Variants in JAM3 observed in about 807,000 individuals in gnomAD.
JAM3 encodes the protein junctional adhesion molecule 3, also known as junctional adhesion molecule C.
A neutral mutation model predicts 39.4 loss-of-function variants in JAM3; 31 were observed. That is an observed-to-expected ratio of 0.79 (90% CI 0.59 to 1.06). JAM3 has a LOEUF of 1.06. Ranked by LOEUF, JAM3 falls within the 50% of genes least tolerant of loss-of-function variation. The pLI is 0.00. For missense variants in JAM3, 455 were observed against 391.4 expected (o/e 1.16, Z -1.37); for synonymous variants, 182 against 148.7 (o/e 1.22, Z -1.63).
chr11:134,130,854 G>T (rs1942756501), intron 1 of JAM3, among the ~76,000 whole-genome samples: 1 of 152,180 alleles, frequency 6.6e-6, no homozygotes, highest in African/African-American at 2.4e-5. Context: ...CAAGGTGCTT[G>T]TCTCTGTCTT....
intron 1 of JAM3, among the ~76,000 whole-genome samples, chr11:134,126,818 C>G (rs1942656625): frequency 6.6e-6 from 1 of 152,190 alleles, no homozygotes; most frequent in Non-Finnish European, 1.5e-5. Flanking sequence ...AATTTTGTCT[C>G]CACTCTAAAT....
intron 1 of JAM3, among the ~76,000 whole-genome samples, chr11:134,083,453 A>G (rs1470033444): frequency 1.3e-5 from 2 of 152,202 alleles, no homozygotes; most frequent in Non-Finnish European, 2.9e-5. Context: ...TGCTGTTTGC[A>G]AATTGCAAAA....
At chr11:134,119,917 T>G (rs886101146) in intron 1 of JAM3, among the ~76,000 whole-genome samples, 7 of 152,218 alleles carry the variant, frequency 4.6e-5, no homozygotes, top group African/African-American at 1.7e-4. Context: ...TCACAAAATA[T>G]AACCAGGACT....
chr11:134,079,056 A>G (rs1941621048), intron 1 of JAM3, among the ~76,000 whole-genome samples: 1 of 152,150 alleles, frequency 6.6e-6, no homozygotes, highest in African/African-American at 2.4e-5. Context: ...AAACAGAATT[A>G]TGAACTTAAA....
Position 134,149,601 on chromosome 11 carries a change from C to G in JAM3, c.*420C>G, listed in dbSNP as rs1251514967. The G allele has an allele frequency of 6.4e-6, 3 of 467,598 alleles. No homozygotes were observed. Among genetic ancestry groups the G allele is most frequent in the African/African-American group, 5.9e-5 (3 of 50,632 alleles). 29.0% of individuals were successfully genotyped at this position (467,598 alleles called of 1,614,324 possible). On this transcript the variant is annotated 3_prime_UTR_variant, in exon 9 of 9. Transcript: ENST00000299106. ...TGGCGAGGTGGCTGGACAGCACCAG[C>G]AGCGCATCCCGGCGGGAACCCAGAA...
chr11:134,119,417 A>G (rs1942494818), intron 1 of JAM3, among the ~76,000 whole-genome samples: 3 of 152,214 alleles, frequency 2.0e-5, no homozygotes, highest in Admixed American at 6.5e-5. Flanking sequence ...ATACAGTGAA[A>G]TGACTTAAGA....
At chr11:134,148,385 G>C in intron 6 of JAM3, 162 bp from the exon 7 acceptor site, 1 of 777,500 alleles carries the variant, frequency 1.3e-6, no homozygotes, top group Non-Finnish European at 2.2e-6. Context: ...ATATGTTCTA[G>C]GCTAGAAGGA....
intron 5 of JAM3, 185 bp downstream of exon 5, chr11:134,145,179 G>C (rs536800685): frequency 5.7e-5 from 36 of 636,442 alleles, no homozygotes; most frequent in Non-Finnish European, 9.2e-5. Flanking sequence ...ACATTCTTAG[G>C]GGGTAAAATA....
At chr11:134,130,874 G>T (rs1056511369) in intron 1 of JAM3, among the ~76,000 whole-genome samples, 1 of 152,176 alleles carries the variant, frequency 6.6e-6, no homozygotes. Flanking sequence ...TGTATAATCA[G>T]GGAAGCAGGC....
chr11:134,085,536 C>A (rs1404051874), intron 1 of JAM3, among the ~76,000 whole-genome samples: 1 of 152,154 alleles, frequency 6.6e-6, no homozygotes, highest in African/African-American at 2.4e-5. Context: ...TCATTCTTAA[C>A]AAACATTCTT....
At chr11:134,103,841 A>T (rs1306283342) in intron 1 of JAM3, among the ~76,000 whole-genome samples, 2 of 152,218 alleles carry the variant, frequency 1.3e-5, no homozygotes, top group Admixed American at 1.3e-4. Context: ...TCAATACAGG[A>T]GCACCCAGAT....
chr11:134,145,023 G>A (rs1416097496), intron 5 of JAM3, 29 bp downstream of exon 5: 19 of 1,550,026 alleles, frequency 1.2e-5, no homozygotes, highest in Non-Finnish European at 1.7e-5. Context: ...GGTGAGGATG[G>A]AGATGTCTTT....
intron 1 of JAM3, among the ~76,000 whole-genome samples, chr11:134,112,042 G>C: frequency 6.6e-6 from 1 of 152,264 alleles, no homozygotes; most frequent in Admixed American, 6.5e-5. Flanking sequence ...CTTCTACTAT[G>C]TGAAAACTGC....
intron 3 of JAM3, among the ~76,000 whole-genome samples, 165 bp downstream of exon 3, chr11:134,140,935 A>G (rs1942963858): frequency 6.6e-6 from 1 of 151,716 alleles, no homozygotes; most frequent in Non-Finnish European, 1.5e-5. Flanking sequence ...AAATATATGC[A>G]AAAGTAATGC....
chr11:134,144,897 G>T lies in JAM3; in HGVS notation c.515G>T (p.Ser172Ile). 6.2e-7 allele frequency: 1 copy of T among 1,614,184 alleles called. No homozygotes were observed. Among genetic ancestry groups the T allele is most frequent in the East Asian group, 2.2e-5 (1 of 44,874 alleles). The change falls in exon 5 of 9, where the codon AGC (serine) becomes ATC (isoleucine). Residue 172 changes from serine (S) to isoleucine (I), a missense_variant. Physicochemically the swap from Ser to Ile is moderately radical, Grantham distance 142 (BLOSUM62 -2). Transcript: ENST00000299106. ...GAGGGCCACCCCCGGCCTCACTACA[G>T]CTGGTATCGCAATGATGTACCACTG... ...ESEGHPRPHY[S>I]WYRNDVPLPT...
At chr11:134,085,621 G>A (rs946727848) in intron 1 of JAM3, among the ~76,000 whole-genome samples, 2 of 152,142 alleles carry the variant, frequency 1.3e-5, no homozygotes, top group Non-Finnish European at 2.9e-5. Context: ...CCCAGTCATA[G>A]TCTTCCTTGA....
At position 134,121,740 on chromosome 11, in the gene JAM3, TCTC is replaced by T. The variant is rs550493084; in HGVS notation, c.77-18107_77-18105del. 5.5e-4 allele frequency among the ~76,000 whole-genome samples: 83 copies of T among 152,150 alleles called. 1 individual carries two copies. The highest frequency in any genetic ancestry group is 1.7e-3 in the African/African-American group (69 of 41,488). On this transcript the variant is annotated intron_variant, in intron 1 of 8. Coordinates refer to ENST00000299106, the MANE Select transcript of JAM3 (RefSeq NM_032801.5). The stretch of plus-strand genomic sequence containing the variant: ...TGTTTCATGTTGCTTTATACATCCT[TCTC>T]CTCAATACAGAACCAGGAATGTAAT...
Position 134,150,210 on chromosome 11 carries a change from G to T in JAM3, c.*1029G>T, listed in dbSNP as rs1289745472. 1 of 152,246 alleles carries T rather than the reference G, an allele frequency of 6.6e-6. No homozygotes were observed. The highest frequency in any genetic ancestry group is 1.9e-4 in the East Asian group (1 of 5,192). The allele number at this position is 152,246 out of a possible 1,614,324, so 9.4% of individuals were successfully genotyped here. A position where few individuals can be genotyped will look rare whatever the true frequency, so the allele number is the denominator to read the frequency against. On this transcript the variant is annotated 3_prime_UTR_variant, in exon 9 of 9. Coordinates refer to ENST00000299106, the MANE Select transcript of JAM3 (RefSeq NM_032801.5). Reference sequence around the variant, plus strand: ...ACTGTCTACACATCAGACCATAGTTGCTTAGGAAACCTTTAAAAATTCCAG... The same window carrying T: ...ACTGTCTACACATCAGACCATAGTTTCTTAGGAAACCTTTAAAAATTCCAG...
chr11:134,098,106 T>A (rs1039817074), intron 1 of JAM3, among the ~76,000 whole-genome samples: 1 of 152,130 alleles, frequency 6.6e-6, no homozygotes, highest in Non-Finnish European at 1.5e-5. Flanking sequence ...CAGTATTGAT[T>A]GAGTGTATAC....
Sources: gnomAD v4.1 joint callset for allele counts (sites outside exome capture counted in the v4.1 genomes callset) on GRCh38, gnomAD v4.1.1 for gene constraint, MANE v1.5 for transcripts, NCBI Gene and HGNC (gene_info 2026-07-23, HGNC 2026-07-21) for gene names.